The following FKBP10 variants were observed in gnomAD, a reference collection of about 807,000 sequenced individuals.
The protein encoded by FKBP10 is FKBP prolyl isomerase 10, also known as peptidyl-prolyl cis-trans isomerase FKBP10.
A neutral mutation model predicts 53.7 loss-of-function variants in FKBP10; 34 were observed. The observed-to-expected ratio is 0.63, with a 90% CI of 0.48 to 0.84. The LOEUF is 0.84. FKBP10 is among the 40% of genes least tolerant of loss of function. FKBP10 has a pLI of 0.00. For missense variants in FKBP10, 748 were observed against 797.8 expected (o/e 0.94, Z 0.75); for synonymous variants, 324 against 335.7 (o/e 0.97, Z 0.38).
rs1398736810 is a variant in FKBP10, at chr17:41,822,290, A to C, written c.1631A>C (p.Glu544Ala). 3 of 1,613,836 alleles carry C rather than the reference A, an allele frequency of 1.9e-6. No individual in the cohort carries two copies. The highest frequency in any genetic ancestry group is 2.5e-6 in the Non-Finnish European group (3 of 1,179,960). The change falls in exon 10 of 10, where the codon GAG becomes GCG. Residue 544 changes from glutamate to alanine, a missense_variant. Transcript: ENST00000321562. ...CGCCTCATGCCTGGGCAGGACCCTGAGAAAACCATAGGAGACATGTTCCAG... is the reference window on the plus strand; with the variant it reads ...CGCCTCATGCCTGGGCAGGACCCTGCGAAAACCATAGGAGACATGTTCCAG... ...KGRLMPGQDP[E>A]KTIGDMFQNQ... is the part of the protein sequence containing the mutation.
intron 2 of FKBP10, among the ~76,000 whole-genome samples, chr17:41,817,646 T>TC (rs71155171): frequency 2.2e-4 from 33 of 150,902 alleles, no homozygotes; most frequent in African/African-American, 8.0e-4. Flanking sequence ...TTTTTTTTTT[T>TC]GAGACAGCAT....
chr17:41,818,268 T>G lies in FKBP10; in HGVS notation c.571T>G (p.Phe191Val), dbSNP rs570574749. ...TGGCACCCTGCTGGACGGCACCTCC[T>G]TCGACACCAGGTGAGGGGCTGGAGG... ...YNGTLLDGTS[F>V]DTSYSKGGTY... Residue 191 changes from phenylalanine to valine, a missense_variant, in exon 3 of 10, where the codon TTC becomes GTC. Physicochemically the swap from Phe to Val is conservative, Grantham distance 50 (BLOSUM62 -1). Transcript: ENST00000321562. The G allele has an allele frequency of 5.6e-6, 9 of 1,613,776 alleles. No individual in the cohort carries two copies. The South Asian group carries it at 8.8e-5, about 16-fold the overall frequency.
At position 41,820,538 on chromosome 17, in the gene FKBP10, C is replaced by T. The variant is rs190818255; in HGVS notation, c.1256+77C>T. 6.3e-3 allele frequency: 9,173 copies of T among 1,458,636 alleles called. 42 individuals carry two copies. The highest frequency in any genetic ancestry group is 0.01 in the Middle Eastern group (44 of 4,256). The allele number at this position is 1,458,636 out of a possible 1,614,324, so 90.4% of individuals were successfully genotyped here. On this transcript the variant is annotated intron_variant, in intron 7 of 9. Transcript: ENST00000321562. ...GGAGTCCTCCTCAGTGCACCCCCGACGCCTGCTCCTCCCTCTTGGTCCTCG... is the reference window on the plus strand; with the variant it reads ...GGAGTCCTCCTCAGTGCACCCCCGATGCCTGCTCCTCCCTCTTGGTCCTCG...
chr17:41,820,339 TGTG>T lies in FKBP10; in HGVS notation c.1139_1141del (p.Val380del), dbSNP rs2047874676. 6.2e-7 allele frequency: 1 copy of T among 1,614,168 alleles called. No individual in the cohort carries two copies. Among genetic ancestry groups the T allele is most frequent in the Non-Finnish European group, 8.5e-7 (1 of 1,180,018 alleles). Reference sequence around the variant, plus strand: ...TCATTGACTTCCACAACCCTGCGGATGTGGTGGAAATCAGGACACTGTCCCGGC... The same window carrying T: ...TCATTGACTTCCACAACCCTGCGGATGTGGAAATCAGGACACTGTCCCGGC... On this transcript the variant is annotated inframe_deletion, in exon 7 of 10. Transcript: ENST00000321562.
intron 1 of FKBP10, among the ~76,000 whole-genome samples, chr17:41,814,685 G>C (rs1003302471): frequency 3.3e-5 from 5 of 152,160 alleles, no homozygotes; most frequent in African/African-American, 1.2e-4. Context: ...TGGGATTTAG[G>C]GGATGTCATC....
At chr17:41,816,643 C>T (rs1423304645) in intron 1 of FKBP10, among the ~76,000 whole-genome samples, 1 of 152,158 alleles carries the variant, frequency 6.6e-6, no homozygotes, top group African/African-American at 2.4e-5. Flanking sequence ...CAAGAATGCC[C>T]ACCTCACAGG....
At position 41,821,077 on chromosome 17, in the gene FKBP10, G is replaced by A. The variant is rs782423500; in HGVS notation, c.1387G>A (p.Gly463Arg). The A allele has an allele frequency of 1.3e-5, 20 of 1,523,602 alleles. No individual in the cohort carries two copies. Among genetic ancestry groups the A allele is most frequent in the Middle Eastern group, 1.9e-4 (1 of 5,176 alleles). 94.4% of individuals were successfully genotyped at this position (1,523,602 alleles called of 1,614,324 possible). ...CATCGTGCCCCCGCACCTGGCCCACGGGGAGAGTGGAGGTGAGGGGCTGAG... is the reference window on the plus strand; with the variant it reads ...CATCGTGCCCCCGCACCTGGCCCACAGGGAGAGTGGAGGTGAGGGGCTGAG... The part of the protein sequence containing the change: ...QLIVPPHLAH[G>R]ESGARGVPGS... Residue 463 changes from glycine to arginine, a missense_variant, in exon 8 of 10, where the codon GGG (glycine) becomes AGG (arginine). Transcript: ENST00000321562.
chr17:41,821,194 C>T, intron 8 of FKBP10, 105 bp downstream of exon 8: 4 of 1,339,844 alleles, frequency 3.0e-6, no homozygotes, highest in Non-Finnish European at 4.0e-6. Flanking sequence ...GTGCTCTCAG[C>T]TCACTGCAAC....
Position 41,822,289 on chromosome 17 carries a change from G to A in FKBP10, c.1630G>A (p.Glu544Lys), listed in dbSNP as rs1465614450. 1.2e-6 allele frequency: 2 copies of A among 1,613,938 alleles called. No homozygotes were observed. Among genetic ancestry groups the A allele is most frequent in the Admixed American group, 3.3e-5 (2 of 59,990 alleles). Residue 544 changes from glutamate to lysine, a missense_variant, in exon 10 of 10, where the codon GAG becomes AAG. Glu to Lys is a moderately conservative substitution (Grantham distance 56, BLOSUM62 1). Coordinates refer to ENST00000321562, the MANE Select transcript of FKBP10 (RefSeq NM_021939.4). ...KGRLMPGQDP[E>K]KTIGDMFQNQ... ...ACGCCTCATGCCTGGGCAGGACCCTGAGAAAACCATAGGAGACATGTTCCA... is the reference window on the plus strand; with the variant it reads ...ACGCCTCATGCCTGGGCAGGACCCTAAGAAAACCATAGGAGACATGTTCCA...
In FKBP10 at chr17:41,822,818, A is replaced by C; in HGVS notation, c.*410A>C. On this transcript the variant is annotated 3_prime_UTR_variant, in exon 10 of 10. Transcript: ENST00000321562. The stretch of plus-strand genomic sequence containing the variant: ...CCCCACTCCCAGCCCCTTTTCCTCT[A>C]TGTGACAGCTCCCTAGGACCCCTCT... 3.1e-6 allele frequency: 1 copy of C among 322,726 alleles called. No homozygotes were observed. The highest frequency in any genetic ancestry group is 6.0e-6 in the Non-Finnish European group (1 of 166,030). 20.0% of individuals were successfully genotyped at this position (322,726 alleles called of 1,614,324 possible). A position where few individuals can be genotyped will look rare whatever the true frequency, so the allele number is the denominator to read the frequency against.
chr17:41,821,822 G>C lies in FKBP10; in HGVS notation c.1563+5G>C. The C allele has an allele frequency of 1.9e-6, 3 of 1,614,088 alleles. No individual in the cohort carries two copies. Among genetic ancestry groups the C allele is most frequent in the Non-Finnish European group, 2.5e-6 (3 of 1,180,018 alleles). Reference sequence around the variant, plus strand: ...GGCGAGGTCCCTCCGGAGGAGGTGGGTGAAGGTTCAGTCCTAATAGCCATG... The same window carrying C: ...GGCGAGGTCCCTCCGGAGGAGGTGGCTGAAGGTTCAGTCCTAATAGCCATG... On this transcript the variant is annotated splice_donor_5th_base_variant and intron_variant, in intron 9 of 9. Coordinates refer to ENST00000321562, the MANE Select transcript of FKBP10 (RefSeq NM_021939.4).
rs1227634800 is a variant in FKBP10 at position 41,818,147 on chromosome 17, G to C, written c.450G>C (p.Trp150Cys). The C allele has an allele frequency of 3.7e-6, 6 of 1,613,690 alleles. No homozygotes were observed. The highest frequency in any genetic ancestry group is 5.1e-6 in the Non-Finnish European group (6 of 1,179,948). ...LYFDVVLLDV[W>C]NKEDTVQVST... is the part of the protein sequence containing the mutation. Reference sequence around the variant, plus strand: ...TCGATGTGGTTCTGCTGGATGTGTGGAACAAGGAAGACACCGTGCAGGTGA... The same window carrying C: ...TCGATGTGGTTCTGCTGGATGTGTGCAACAAGGAAGACACCGTGCAGGTGA... The change falls in exon 3 of 10, where the codon TGG becomes TGC. Residue 150 changes from tryptophan (W) to cysteine (C), a missense_variant. Trp to Cys is a radical substitution (Grantham distance 215). Coordinates refer to ENST00000321562, the MANE Select transcript of FKBP10 (RefSeq NM_021939.4).
chr17:41,817,634 T>TG (rs2144053913), intron 2 of FKBP10, among the ~76,000 whole-genome samples: 1 of 41,126 alleles, frequency 2.4e-5, no homozygotes, highest in South Asian at 2.2e-3. Flanking sequence ...TTTTTCTTTT[T>TG]CTTTTTTTTT....
chr17:41,817,264 C>CCGTCTTTTCT, intron 2 of FKBP10, 61 bp downstream of exon 2: 1 of 1,597,214 alleles, frequency 6.3e-7, no homozygotes. Context: ...ATCAGGGATC[C>CCGTCTTTTCT]TGGGGTGAGA....
intron 1 of FKBP10, among the ~76,000 whole-genome samples, chr17:41,815,043 G>A (rs577206891): frequency 1.3e-5 from 2 of 152,162 alleles, no homozygotes; most frequent in South Asian, 4.2e-4. Flanking sequence ...TCAGCCTCCC[G>A]AGTAGCTGGG....
In FKBP10 at chr17:41,822,393, C is replaced by T. The variant is rs115239900; in HGVS notation, c.1734C>T (p.Val578=). 4.5e-4 allele frequency: 720 copies of T among 1,607,200 alleles called. 6 individuals are homozygous for T. The African/African-American group carries it at 7.8e-3, about 17-fold the overall frequency. Residue 578 remains valine, a synonymous_variant, in exon 10 of 10, where the codon GTC becomes GTT. Coordinates refer to ENST00000321562, the MANE Select transcript of FKBP10 (RefSeq NM_021939.4). ...KLKSDEDEER[V]HEEL ...AGTCAGATGAGGACGAGGAGCGGGT[C>T]CACGAGGAGCTCTGAGGGGCAGGGA... is the stretch of plus-strand genomic sequence containing the variant.
chr17:41,822,356 A>G lies in FKBP10; in HGVS notation c.1697A>G (p.Glu566Gly). The G allele has an allele frequency of 6.2e-7, 1 of 1,613,168 alleles. No individual in the cohort carries two copies. Among genetic ancestry groups the G allele is most frequent in the Non-Finnish European group, 8.5e-7 (1 of 1,179,602 alleles). The change falls in exon 10 of 10, where the codon GAG becomes GGG. Residue 566 changes from glutamate to glycine, a missense_variant. By Grantham distance (98) the Glu-to-Gly change is moderately conservative. Transcript: ENST00000321562. ...CAGGACGGCAAGATCACAGTCGACG[A>G]GCTCAAGCTGAAGTCAGATGAGGAC... ...RNQDGKITVD[E>G]LKLKSDEDEE...
chr17:41,813,359 G>A (rs905193603), intron 1 of FKBP10, 80 bp downstream of exon 1: 2 of 1,586,484 alleles, frequency 1.3e-6, no homozygotes, highest in Admixed American at 1.7e-5. Flanking sequence ...CCTCTTTTAA[G>A]CTCTGCATCC....
rs781869880 is a variant in FKBP10 at position 41,813,048 on chromosome 17, G to A, written c.14G>A (p.Gly5Asp). The A allele has an allele frequency of 6.2e-7, 1 of 1,609,526 alleles. No homozygotes were observed. The highest frequency in any genetic ancestry group is 8.5e-7 in the Non-Finnish European group (1 of 1,179,476). Residue 5 changes from glycine (G) to aspartate (D), a missense_variant, in exon 1 of 10, where the codon GGC becomes GAC. Gly to Asp is a moderately conservative substitution (Grantham distance 94). Coordinates refer to ENST00000321562, the MANE Select transcript of FKBP10 (RefSeq NM_021939.4). ...ACTCCAGGCACCATGTTCCCCGCGG[G>A]CCCCCCCAGCCACAGCCTCCTCCGG... MFPA[G>D]PPSHSLLRLP...
Sources: gnomAD v4.1 joint callset for allele counts (sites outside exome capture counted in the v4.1 genomes callset) on GRCh38, gnomAD v4.1.1 for gene constraint, MANE v1.5 for transcripts, NCBI Gene and HGNC (gene_info 2026-07-23, HGNC 2026-07-21) for gene names.